The following SLC45A4 variants were observed in gnomAD, a reference collection of about 807,000 sequenced individuals.
The protein encoded by SLC45A4 is polyamine-transporter SLC45A4.
SLC45A4 carries 32 observed loss-of-function variants against 63.7 expected under a neutral mutation model. That is an observed-to-expected ratio of 0.50 (90% CI 0.38 to 0.67). SLC45A4 has a LOEUF of 0.67. SLC45A4 is among the 30% of genes least tolerant of loss of function. The pLI is 0.00. For synonymous variants in SLC45A4, 535 were observed against 510.0 expected (o/e 1.05, Z -0.66); for missense variants, 1,027 against 1,157.7 (o/e 0.89, Z 1.64).
At chr8:141,246,629 G>A (rs541022405) in intron 2 of SLC45A4, among the ~76,000 whole-genome samples, 1 of 17,356 alleles carries the variant, frequency 5.8e-5, no homozygotes. Flanking sequence ...GCACAAGGCC[G>A]TGAAAGCCAA....
intron 2 of SLC45A4, among the ~76,000 whole-genome samples, chr8:141,248,327 TG>T (rs1828311258): frequency 6.6e-6 from 1 of 152,206 alleles, no homozygotes; most frequent in African/African-American, 2.4e-5. Context: ...CCCAGCACTC[TG>T]GGACTCAGGC....
chr8:141,275,571 C>T (rs966703598), intron 1 of SLC45A4, among the ~76,000 whole-genome samples: 5 of 150,626 alleles, frequency 3.3e-5, no homozygotes, highest in South Asian at 2.1e-4. Flanking sequence ...GAATAGGTGG[C>T]GTGTTCCAGC....
chr8:141,241,567 CAAAGAAA>C (rs1460275766), intron 2 of SLC45A4, among the ~76,000 whole-genome samples: 3 of 151,050 alleles, frequency 2.0e-5, no homozygotes, highest in Non-Finnish European at 4.4e-5. Context: ...ACAATACAGT[CAAAGAAA>C]AAAAAAAGAA....
At chr8:141,274,895 G>A (rs77123633) in intron 1 of SLC45A4, among the ~76,000 whole-genome samples, 2,021 of 152,354 alleles carry the variant, frequency 0.013, 40 homozygotes, top group African/African-American at 0.046. Flanking sequence ...CACAACAGGG[G>A]TTCACCACAA....
At chr8:141,223,752 T>C (rs986781921) in intron 2 of SLC45A4, among the ~76,000 whole-genome samples, 7 of 152,298 alleles carry the variant, frequency 4.6e-5, no homozygotes, top group South Asian at 4.1e-4. Flanking sequence ...CCACACAGCA[T>C]TGAAGCCACC....
chr8:141,301,916 C>G (rs568102986), intron 1 of SLC45A4, among the ~76,000 whole-genome samples: 1 of 151,906 alleles, frequency 6.6e-6, no homozygotes, highest in South Asian at 2.1e-4. Context: ...GAGCCCTGAT[C>G]CCACCACTGC....
chr8:141,243,663 G>T (rs1056469373), intron 2 of SLC45A4, among the ~76,000 whole-genome samples: 1 of 151,922 alleles, frequency 6.6e-6, no homozygotes, highest in Admixed American at 6.6e-5. Context: ...AAATACAGTT[G>T]ACCCTTGAAC....
At position 141,258,893 on chromosome 8, in the gene SLC45A4, T is replaced by TA. The variant is rs367859490; in HGVS notation, c.-400-4265dup. Among the ~76,000 whole-genome samples the TA allele has an allele frequency of 7.5e-3, 1,097 of 146,286 alleles. 12 individuals carry two copies. The highest frequency in any genetic ancestry group is 0.022 in the African/African-American group (858 of 39,758). ...GAGACACAGTGAGACCTCTTTTTTT[T>TA]AAAAAAAAAAAAAACAGACTCTAAA... is the stretch of plus-strand genomic sequence containing the variant. On this transcript the variant is annotated intron_variant, in intron 1 of 8. Transcript: ENST00000517878.
intron 2 of SLC45A4, among the ~76,000 whole-genome samples, chr8:141,236,407 C>G (rs1177945042): frequency 4.6e-5 from 7 of 152,220 alleles, no homozygotes; most frequent in African/African-American, 1.7e-4. Flanking sequence ...ACAGTTACTT[C>G]CAACTCAACA....
intron 2 of SLC45A4, among the ~76,000 whole-genome samples, chr8:141,223,535 C>T (rs1352275290): frequency 6.6e-6 from 1 of 152,238 alleles, no homozygotes; most frequent in East Asian, 1.9e-4. Flanking sequence ...CCGTGCCAGG[C>T]AGCCCCTCGC....
rs535241369 is a variant in SLC45A4 at position 141,282,030 on chromosome 8, C to A, written c.-401+26066G>T. On this transcript the variant is annotated intron_variant, in intron 1 of 8. Coordinates refer to ENST00000517878, the MANE Select transcript of SLC45A4 (RefSeq NM_001286646.2). ...GCAAGGACACGGGTCAGCCATGGGG[C>A]TCCCAGGATTGACCTCCAATTCCTC... Among the ~76,000 whole-genome samples, 11 of 152,340 alleles carry A rather than the reference C, an allele frequency of 7.2e-5. No individual in the cohort carries two copies. The East Asian group carries it at 9.7e-4, about 13-fold the overall frequency.
intron 1 of SLC45A4, among the ~76,000 whole-genome samples, chr8:141,269,302 C>T (rs1829415722): frequency 6.6e-6 from 1 of 152,218 alleles, no homozygotes; most frequent in Non-Finnish European, 1.5e-5. Context: ...GCATTTTGTG[C>T]CACAAGTCAG....
chr8:141,230,654 T>C (rs1225268389), intron 2 of SLC45A4, among the ~76,000 whole-genome samples: 1 of 152,212 alleles, frequency 6.6e-6, no homozygotes, highest in Non-Finnish European at 1.5e-5. Flanking sequence ...GCGCACGCTG[T>C]GTCTGGGGAC....
At position 141,218,957 on chromosome 8, in the gene SLC45A4, C is replaced by A; in HGVS notation, c.683G>T (p.Arg228Leu). The change falls in exon 5 of 9, where the codon CGG becomes CTG. Residue 228 changes from arginine (R) to leucine (L), a missense_variant. By Grantham distance (102) the Arg-to-Leu change is moderately radical. Coordinates refer to ENST00000517878, the MANE Select transcript of SLC45A4 (RefSeq NM_001286646.2). ...GAAGAAGAGCACCTGGTTCTGGGTC[C>A]GGAACCAGCTGCCCAGGAAGGTCTG... ...WTQTFLGSWF[R>L]TQNQVLFFFA... 1 of 1,613,628 alleles carries A rather than the reference C, an allele frequency of 6.2e-7. No individual in the cohort carries two copies. Among genetic ancestry groups the A allele is most frequent in the Non-Finnish European group, 8.5e-7 (1 of 1,179,940 alleles).
intron 1 of SLC45A4, among the ~76,000 whole-genome samples, chr8:141,268,761 C>A (rs560807709): frequency 6.6e-5 from 10 of 152,312 alleles, no homozygotes; most frequent in Admixed American, 5.9e-4. Flanking sequence ...ATGCTGACTG[C>A]CGCGTACTTG....
Position 141,215,941 on chromosome 8 carries a change from C to T in SLC45A4, c.1759G>A (p.Asp587Asn), listed in dbSNP as rs748114233. ...ALLQKYLDNYDLSVRVIYVLG... is the reference protein window; with the variant it reads ...ALLQKYLDNYNLSVRVIYVLG... ...ACGTAGATCACCCTGACGCTCAGGT[C>T]GTAGTTGTCCAAGTACTTCTGTAAC... Residue 587 changes from aspartate (D) to asparagine (N), a missense_variant, in exon 7 of 9, where the codon GAC becomes AAC. Physicochemically the swap from Asp to Asn is conservative, Grantham distance 23 (BLOSUM62 1). Transcript: ENST00000517878. This position sits in a 1 kb window ranked among gnomAD's most constrained non-coding sequence, Gnocchi z 4.3. 1.7e-5 allele frequency: 28 copies of T among 1,613,812 alleles called. No homozygotes were observed. The Middle Eastern group carries it at 4.9e-4, about 28-fold the overall frequency.
At chr8:141,247,569 C>G (rs1330952276) in intron 2 of SLC45A4, among the ~76,000 whole-genome samples, 1 of 152,148 alleles carries the variant, frequency 6.6e-6, no homozygotes, top group Non-Finnish European at 1.5e-5. Context: ...CTGCAACAGC[C>G]AAAACAAGTT....
At position 141,218,450 on chromosome 8, in the gene SLC45A4, C is replaced by A. The variant is rs373677486; in HGVS notation, c.1190G>T (p.Gly397Val). ...SGSPTKDALGGYTRVDTKPSA... is the reference protein window; with the variant it reads ...SGSPTKDALGVYTRVDTKPSA... ...GGGCTTCGTGTCCACCCTGGTGTAG[C>A]CGCCGAGGGCGTCTTTTGTGGGGGA... The change falls in exon 5 of 9, where the codon GGC becomes GTC. Residue 397 changes from glycine (G) to valine (V), a missense_variant. Physicochemically the swap from Gly to Val is moderately radical, Grantham distance 109. Transcript: ENST00000517878. The A allele has an allele frequency of 3.5e-5, 57 of 1,612,568 alleles. No homozygotes were observed. The highest frequency in any genetic ancestry group is 4.5e-5 in the Non-Finnish European group (53 of 1,179,946).
At position 141,218,711 on chromosome 8, in the gene SLC45A4, G is replaced by A. The variant is rs564741519; in HGVS notation, c.929C>T (p.Ala310Val). Residue 310 changes from alanine (A) to valine (V), a missense_variant, in exon 5 of 9, where the codon GCA becomes GTA. Physicochemically the swap from Ala to Val is moderately conservative, Grantham distance 64 (BLOSUM62 0). Transcript: ENST00000517878. ...CAGCGCGGTGTCCGGCACGTGCAATGCCGAGTCGCTTTTGCTGCGCATGAT... is the reference window on the plus strand; with the variant it reads ...CAGCGCGGTGTCCGGCACGTGCAATACCGAGTCGCTTTTGCTGCGCATGAT... The part of the protein sequence containing the change: ...VDIMRSKSDS[A>V]LHVPDTALDL... 1.1e-5 allele frequency: 17 copies of A among 1,612,664 alleles called. No homozygotes were observed. The highest frequency in any genetic ancestry group is 2.2e-5 in the East Asian group (1 of 44,862).
Sources: allele counts gnomAD v4.1 joint callset (sites outside exome capture counted in the v4.1 genomes callset), GRCh38; gene constraint gnomAD v4.1.1; non-coding constraint Gnocchi (gnomAD v3.1); transcripts MANE v1.5; gene names NCBI Gene and HGNC (gene_info 2026-07-23, HGNC 2026-07-21).